LMTK2: variants seen among roughly 807,000 people sequenced by gnomAD.
The protein encoded by LMTK2 is serine/threonine-protein kinase LMTK2.
Under a neutral mutation model 127.5 loss-of-function variants are expected in LMTK2, and 37 were observed. The ratio of observed to expected loss-of-function variants is 0.29; its 90% CI spans 0.22 to 0.38. The LOEUF (loss-of-function observed/expected upper bound fraction) is 0.38. LMTK2 is among the 10% of genes least tolerant of loss of function. LMTK2 has a pLI of 1.00. For synonymous variants in LMTK2, 819 were observed against 810.1 expected (o/e 1.01, Z -0.19); for missense variants, 1,694 against 1,920.3 (o/e 0.88, Z 2.20).
At chr7:98,133,826 A>G (rs1476247887) in intron 1 of LMTK2, among the ~76,000 whole-genome samples, 1 of 152,212 alleles carries the variant, frequency 6.6e-6, no homozygotes, top group Non-Finnish European at 1.5e-5. Flanking sequence ...CACTTTCATG[A>G]ATCAGATAAT....
chr7:98,172,598 A>G (rs1026287087), intron 7 of LMTK2, among the ~76,000 whole-genome samples: 3 of 152,200 alleles, frequency 2.0e-5, no homozygotes, highest in Admixed American at 6.5e-5. Context: ...AAAACAACAC[A>G]ATACGTTTAA....
intron 1 of LMTK2, among the ~76,000 whole-genome samples, chr7:98,132,942 T>G (rs549107932): frequency 6.6e-6 from 1 of 152,156 alleles, no homozygotes; most frequent in Non-Finnish European, 1.5e-5. Flanking sequence ...TTACCTTGAG[T>G]CATTACTGAG....
intron 7 of LMTK2, among the ~76,000 whole-genome samples, chr7:98,174,118 AAAAAG>A (rs1188013787): frequency 1.1e-4 from 17 of 151,820 alleles, no homozygotes; most frequent in African/African-American, 3.9e-4. Context: ...AAAAAAAAAA[AAAAAG>A]AAAAAGTAAT....
intron 3 of LMTK2, among the ~76,000 whole-genome samples, chr7:98,143,304 A>G (rs895188846): frequency 6.6e-6 from 1 of 152,202 alleles, no homozygotes; most frequent in African/African-American, 2.4e-5. Context: ...GCATGCACCA[A>G]ATCCAGAATC....
chr7:98,199,856 T>C (rs1331006482), intron 11 of LMTK2, among the ~76,000 whole-genome samples: 1 of 152,212 alleles, frequency 6.6e-6, no homozygotes, highest in Admixed American at 6.5e-5. Context: ...TTAATCTACC[T>C]GTATCATTAT....
chr7:98,153,087 C>T (rs1231110604), intron 4 of LMTK2, among the ~76,000 whole-genome samples: 2 of 152,148 alleles, frequency 1.3e-5, no homozygotes, highest in Admixed American at 1.3e-4. Context: ...TTCATCTTTG[C>T]TATGTCAGGT....
chr7:98,146,929 C>T (rs1796782714), intron 3 of LMTK2, among the ~76,000 whole-genome samples: 1 of 152,154 alleles, frequency 6.6e-6, no homozygotes, highest in African/African-American at 2.4e-5. Flanking sequence ...TGTTGTAGGG[C>T]AGGTATACTG....
At chr7:98,202,211 G>A (rs1052201084) in intron 11 of LMTK2, among the ~76,000 whole-genome samples, 1 of 151,798 alleles carries the variant, frequency 6.6e-6, no homozygotes, top group Non-Finnish European at 1.5e-5. Context: ...CCATTATGCT[G>A]TTGAGCCCAT....
intron 2 of LMTK2, among the ~76,000 whole-genome samples, chr7:98,140,348 T>C (rs1796678096): frequency 6.6e-6 from 1 of 151,692 alleles, no homozygotes. Context: ...AACAGGGTCT[T>C]GCCATGTTGC....
At chr7:98,178,332 G>A (rs74609604) in intron 7 of LMTK2, among the ~76,000 whole-genome samples, 2,567 of 152,266 alleles carry the variant, frequency 0.017, 58 homozygotes, top group South Asian at 0.11. Flanking sequence ...CCCCGAAGAC[G>A]CGCAAACTAG....
chr7:98,159,296 A>T (rs375254180), intron 5 of LMTK2, 42 bp from the exon 6 acceptor site: 1 of 1,283,112 alleles, frequency 7.8e-7, no homozygotes, highest in Admixed American at 2.2e-5. Flanking sequence ...TGTTATTATC[A>T]TGCTTCCTGA....
At position 98,106,866 on chromosome 7, in the gene LMTK2, C is replaced by T; in HGVS notation, c.-312C>T. ...GACATCCCGCCCCCGCGCTACGTCA[C>T]ATGACGCAGCCCATCATGGCGGCGG... is the stretch of plus-strand genomic sequence containing the variant. On this transcript the variant is annotated 5_prime_UTR_variant, in exon 1 of 14. Coordinates refer to ENST00000297293, the MANE Select transcript of LMTK2 (RefSeq NM_014916.4). 1 of 434,016 alleles carries T rather than the reference C, an allele frequency of 2.3e-6. No individual in the cohort carries two copies. The highest frequency in any genetic ancestry group is 2.0e-5 in the African/African-American group (1 of 48,818). 26.9% of individuals were successfully genotyped at this position (434,016 alleles called of 1,614,324 possible).
At position 98,193,692 on chromosome 7, in the gene LMTK2, C is replaced by T. The variant is rs201560033; in HGVS notation, c.3227C>T (p.Ser1076Leu). Residue 1076 changes from serine to leucine, a missense_variant, in exon 11 of 14, where the codon TCA becomes TTA. Ser to Leu is a moderately radical substitution (Grantham distance 145). Coordinates refer to ENST00000297293, the MANE Select transcript of LMTK2 (RefSeq NM_014916.4). This position sits in a 1 kb window ranked among gnomAD's most constrained non-coding sequence, Gnocchi z 4.1. ...CCTCCCAACCCGGTCATTGTCATCT[C>T]AGATGCCGGCGATGGTCACAGAGGC... ...GLPPNPVIVISDAGDGHRGTE... is the reference protein window; with the variant it reads ...GLPPNPVIVILDAGDGHRGTE... The T allele has an allele frequency of 2.0e-4, 321 of 1,613,878 alleles. No homozygotes were observed. The highest frequency in any genetic ancestry group is 2.5e-4 in the Non-Finnish European group (295 of 1,179,998).
intron 6 of LMTK2, among the ~76,000 whole-genome samples, chr7:98,164,600 TTAAA>T (rs1386310093): frequency 3.3e-5 from 5 of 152,164 alleles, no homozygotes; most frequent in Non-Finnish European, 5.9e-5. Context: ...ATTCTAATTA[TTAAA>T]TAAAAGCTTG....
chr7:98,108,282 T>C (rs1796147354), intron 1 of LMTK2, among the ~76,000 whole-genome samples: 1 of 152,194 alleles, frequency 6.6e-6, no homozygotes, highest in South Asian at 2.1e-4. Context: ...ATACCCCTAG[T>C]TGTATGATTT....
intron 6 of LMTK2, among the ~76,000 whole-genome samples, chr7:98,165,844 T>C (rs1797088932): frequency 6.6e-6 from 1 of 151,554 alleles, no homozygotes; most frequent in Non-Finnish European, 1.5e-5. Flanking sequence ...GGACACAGAG[T>C]CACGGTGGAA....
chr7:98,205,626 G>C lies in LMTK2; in HGVS notation c.*134G>C. On this transcript the variant is annotated 3_prime_UTR_variant, in exon 14 of 14. Coordinates refer to ENST00000297293, the MANE Select transcript of LMTK2 (RefSeq NM_014916.4). Reference sequence around the variant, plus strand: ...GGGAGGAAGAATCCAGAGGTGAAGAGGGAGACGGCTCTTAGCTGCGTTCAA... The same window carrying C: ...GGGAGGAAGAATCCAGAGGTGAAGACGGAGACGGCTCTTAGCTGCGTTCAA... The C allele has an allele frequency of 1.0e-6, 1 of 972,474 alleles. No homozygotes were observed. The highest frequency in any genetic ancestry group is 1.4e-5 in the South Asian group (1 of 70,996). The allele number at this position is 972,474 out of a possible 1,614,324, so 60.2% of individuals were successfully genotyped here.
In LMTK2 at chr7:98,205,591, A is replaced by G; in HGVS notation, c.*99A>G. ...AGCGACATCCACTCGCCATTTGCTG[A>G]CATGAGATTGGGAGGAAGAATCCAG... On this transcript the variant is annotated 3_prime_UTR_variant, in exon 14 of 14. Coordinates refer to ENST00000297293, the MANE Select transcript of LMTK2 (RefSeq NM_014916.4). The G allele has an allele frequency of 7.8e-7, 1 of 1,285,438 alleles. No homozygotes were observed. The highest frequency in any genetic ancestry group is 1.9e-5 in the Admixed American group (1 of 53,142). The allele number at this position is 1,285,438 out of a possible 1,614,324, so 79.6% of individuals were successfully genotyped here. A position where few individuals can be genotyped will look rare whatever the true frequency, so the allele number is the denominator to read the frequency against.
rs533474195 is a variant in LMTK2 at position 98,129,739 on chromosome 7, C to T, written c.104-7576C>T. ...TGTTGTTGTTTTTCCTGTTTCGTTC[C>T]CTTGCTTGCTTATTTTCCCTCGCTT... is the stretch of plus-strand genomic sequence containing the variant. On this transcript the variant is annotated intron_variant, in intron 1 of 13. Transcript: ENST00000297293. Among the ~76,000 whole-genome samples the T allele has an allele frequency of 2.0e-5, 3 of 152,194 alleles. No homozygotes were observed. The East Asian group carries it at 5.8e-4, about 29-fold the overall frequency.
Sources: allele counts gnomAD v4.1 joint callset (sites outside exome capture counted in the v4.1 genomes callset), GRCh38; gene constraint gnomAD v4.1.1; non-coding constraint Gnocchi (gnomAD v3.1); transcripts MANE v1.5; gene names NCBI Gene and HGNC (gene_info 2026-07-23, HGNC 2026-07-21).